Variants in EDARADD observed in about 807,000 individuals in gnomAD.
The protein encoded by EDARADD is EDAR associated via death domain.
EDARADD carries 20 observed loss-of-function variants against 25.6 expected under a neutral mutation model. That is an observed-to-expected ratio of 0.78 (90% CI 0.55 to 1.14). The LOEUF (loss-of-function observed/expected upper bound fraction) is 1.14. Ranked by LOEUF, EDARADD falls within the 50% of genes most tolerant of loss-of-function variation. The pLI, the probability that EDARADD is intolerant of heterozygous loss-of-function variation, is 0.00. For synonymous variants in EDARADD, 86 were observed against 94.4 expected (o/e 0.91, Z 0.52); for missense variants, 225 against 270.1 (o/e 0.83, Z 1.17).
In EDARADD at chr1:236,465,124, G is replaced by C. The variant is rs1419561821; in HGVS notation, c.220-3107G>C. Among the ~76,000 whole-genome samples, 3 of 152,146 alleles carry C rather than the reference G, an allele frequency of 2.0e-5. No homozygotes were observed. The East Asian group carries it at 5.8e-4, about 29-fold the overall frequency. On this transcript the variant is annotated intron_variant, in intron 4 of 5. Transcript: ENST00000334232. Reference sequence around the variant, plus strand: ...TCACTTCATCCCCTTCTCTCCTAGAGGAGTGATGCGGAGTCTCATTAATCC... The same window carrying C: ...TCACTTCATCCCCTTCTCTCCTAGACGAGTGATGCGGAGTCTCATTAATCC...
intron 3 of EDARADD, among the ~76,000 whole-genome samples, chr1:236,376,691 A>T (rs1485210426): frequency 2.0e-5 from 3 of 152,052 alleles, no homozygotes; most frequent in African/African-American, 7.2e-5. Flanking sequence ...AGCTTCCTGG[A>T]TACGTGGTTT....
chr1:236,439,145 A>AT (rs1243675105), intron 4 of EDARADD, among the ~76,000 whole-genome samples: 1 of 152,204 alleles, frequency 6.6e-6, no homozygotes, highest in Non-Finnish European at 1.5e-5. Context: ...AGTAATATGA[A>AT]TTTAAGTTTT....
rs1558112787 is a variant in EDARADD, at chr1:236,405,873, C to CTTT, written c.62-3343_62-3342insTTT. Among the ~76,000 whole-genome samples the CTTT allele has an allele frequency of 4.7e-3, 278 of 58,882 alleles. 3 individuals are homozygous for CTTT. Among genetic ancestry groups the CTTT allele is most frequent in the African/African-American group, 0.012 (169 of 13,676 alleles). The allele number at this position is 58,882 out of a possible 152,430, so 38.6% of individuals were successfully genotyped here. On this transcript the variant is annotated intron_variant, in intron 1 of 5. Transcript: ENST00000334232. ...TCCTTCCTTCCTTCCTTCCTTCCTT[C>CTTT]CTTCTTTCTTTCTTTCTTTCTTTCT...
At chr1:236,467,439 C>CACACACAT in intron 4 of EDARADD, among the ~76,000 whole-genome samples, 2 of 151,372 alleles carry the variant, frequency 1.3e-5, no homozygotes, top group Admixed American at 1.3e-4. Flanking sequence ...CACACACACA[C>CACACACAT]ACACACACAC....
chr1:236,416,406 TG>T (rs1397113308), intron 3 of EDARADD, among the ~76,000 whole-genome samples: 1 of 152,230 alleles, frequency 6.6e-6, no homozygotes, highest in Non-Finnish European at 1.5e-5. Flanking sequence ...TTGAATGTCG[TG>T]GTGCCATCAG....
chr1:236,447,945 C>T (rs1489188692), intron 4 of EDARADD, among the ~76,000 whole-genome samples: 4 of 152,066 alleles, frequency 2.6e-5, no homozygotes, highest in African/African-American at 4.8e-5. Context: ...AAGTGATTCT[C>T]CTGCCTCAGC....
At chr1:236,423,353 T>C (rs1396282298) in intron 3 of EDARADD, among the ~76,000 whole-genome samples, 2 of 152,316 alleles carry the variant, frequency 1.3e-5, no homozygotes, top group African/African-American at 2.4e-5. Flanking sequence ...GTTTACCAAG[T>C]AATTTTTAGG....
At chr1:236,360,871 T>C (rs981471250) in intron 3 of EDARADD, among the ~76,000 whole-genome samples, 2 of 151,798 alleles carry the variant, frequency 1.3e-5, no homozygotes, top group African/African-American at 4.8e-5. Flanking sequence ...ACACTAGTGA[T>C]GAAGGAATTG....
At chr1:236,411,350 T>C (rs941067862) in intron 2 of EDARADD, among the ~76,000 whole-genome samples, 1 of 152,116 alleles carries the variant, frequency 6.6e-6, no homozygotes. Flanking sequence ...CTGAGACCCA[T>C]AGGGAAGAAT....
At chr1:236,409,087 A>T in intron 1 of EDARADD, 129 bp from the exon 2 acceptor site, 54 of 456,798 alleles carry the variant, frequency 1.2e-4, no homozygotes, top group East Asian at 2.7e-4. Context: ...AAAAAAAAAA[A>T]GGAGTAAGGT....
At chr1:236,360,242 C>A (rs1276501559) in intron 3 of EDARADD, among the ~76,000 whole-genome samples, 1 of 151,922 alleles carries the variant, frequency 6.6e-6, no homozygotes, top group Non-Finnish European at 1.5e-5. Context: ...GTAAATTGAG[C>A]TCAGGAGGTC....
Position 236,420,126 on chromosome 1 carries a change from CAG to C in EDARADD, c.160+5832_160+5833del, listed in dbSNP as rs536723891. ...GCTTGAACCTGGGAGGCAGAGATTGCAGAGAGCTGAGATCATGCCACTGCACT... is the reference window on the plus strand; with the variant it reads ...GCTTGAACCTGGGAGGCAGAGATTGCAGAGCTGAGATCATGCCACTGCACT... On this transcript the variant is annotated intron_variant, in intron 3 of 5. Transcript: ENST00000334232. Among the ~76,000 whole-genome samples the C allele has an allele frequency of 1.4e-4, 22 of 152,276 alleles. No homozygotes were observed. The East Asian group carries it at 4.1e-3, about 28-fold the overall frequency.
At chr1:236,447,208 CTT>C (rs1264027786) in intron 4 of EDARADD, among the ~76,000 whole-genome samples, 1 of 35,930 alleles carries the variant, frequency 2.8e-5, no homozygotes, top group African/African-American at 7.9e-5. Context: ...TTCTTTCTTT[CTT>C]TCTTTCTTTC....
intron 3 of EDARADD, among the ~76,000 whole-genome samples, chr1:236,422,725 G>A (rs1229051280): frequency 6.6e-6 from 1 of 152,174 alleles, no homozygotes; most frequent in Non-Finnish European, 1.5e-5. Context: ...CTGCAAGAGG[G>A]GTGACTTTTT....
intron 4 of EDARADD, among the ~76,000 whole-genome samples, chr1:236,457,902 G>C (rs908079045): frequency 6.6e-6 from 1 of 151,678 alleles, no homozygotes; most frequent in African/African-American, 2.4e-5. Context: ...TCCCCAAGAA[G>C]AGCGGGAGAG....
rs535121852 is a variant in EDARADD, at chr1:236,377,579, G to T, written c.-6+26740G>T. Among the ~76,000 whole-genome samples, 9 of 149,942 alleles carry T rather than the reference G, an allele frequency of 6.0e-5. No individual in the cohort carries two copies. The South Asian group carries it at 1.7e-3, about 29-fold the overall frequency. On this transcript the variant is annotated intron_variant, in intron 3 of 7. Coordinates refer to the EDARADD transcript ENST00000439430. ...GGTCTCTTCAAACTGTATTTTTTTG[G>T]CTGAGCGTGGTGGCTCACGCCTGTA...
chr1:236,426,068 A>T (rs765670553), intron 3 of EDARADD, among the ~76,000 whole-genome samples: 6 of 151,916 alleles, frequency 3.9e-5, no homozygotes, highest in Non-Finnish European at 7.4e-5. Context: ...TGCAGCCTTG[A>T]ACTCCTGGGC....
intron 4 of EDARADD, among the ~76,000 whole-genome samples, chr1:236,453,438 A>C (rs1286984728): frequency 6.6e-6 from 1 of 151,682 alleles, no homozygotes; most frequent in African/African-American, 2.4e-5. Flanking sequence ...CACCGTGCCA[A>C]GGTTAATTAT....
At chr1:236,455,209 TA>T (rs71178309) in intron 4 of EDARADD, among the ~76,000 whole-genome samples, 50,416 of 147,446 alleles carry the variant, frequency 0.34, 8,625 homozygotes, top group East Asian at 0.44. Flanking sequence ...GGCTCTGTCT[TA>T]AAAAAAAAAA....
Sources: allele counts gnomAD v4.1 joint callset (sites outside exome capture counted in the v4.1 genomes callset), GRCh38; gene constraint gnomAD v4.1.1; transcripts MANE v1.5; gene names NCBI Gene and HGNC (gene_info 2026-07-23, HGNC 2026-07-21).